The following DDX10 variants were observed in gnomAD, a reference collection of about 807,000 sequenced individuals.
DDX10 encodes the protein DEAD-box helicase 10, also known as probable ATP-dependent RNA helicase DDX10.
DDX10 carries 74 observed loss-of-function variants against 104.3 expected under a neutral mutation model. The ratio of observed to expected loss-of-function variants is 0.71; its 90% CI spans 0.59 to 0.86. DDX10 has a LOEUF of 0.86. DDX10 is among the 40% of genes least tolerant of loss of function. DDX10 has a pLI of 0.00. For synonymous variants in DDX10, 351 were observed against 353.4 expected (o/e 0.99, Z 0.08); for missense variants, 952 against 1,040.0 (o/e 0.92, Z 1.16).
intron 11 of DDX10, 77 bp from the exon 12 acceptor site, chr11:108,719,720 G>A (rs556477275): frequency 4.6e-5 from 38 of 820,992 alleles, no homozygotes; most frequent in South Asian, 1.4e-4. Context: ...TATCCCATTG[G>A]CTAATTTTCT....
intron 17 of DDX10, among the ~76,000 whole-genome samples, chr11:108,934,944 A>T (rs1451937650): frequency 1.3e-5 from 2 of 152,180 alleles, no homozygotes; most frequent in Non-Finnish European, 2.9e-5. Flanking sequence ...ACTCCGCTGG[A>T]AGTCGAATTC....
Position 108,894,771 on chromosome 11 carries a change from A to G in DDX10, c.2305-23102A>G, listed in dbSNP as rs188266739. On this transcript the variant is annotated intron_variant, in intron 16 of 17. Coordinates refer to ENST00000322536, the MANE Select transcript of DDX10 (RefSeq NM_004398.4). ...TTAAAGCCTTCAGTAAAGGACAACT[A>G]TGTGACTTTTTAATAAAATAGTTAT... 1.7e-3 allele frequency among the ~76,000 whole-genome samples: 256 copies of G among 152,120 alleles called. 1 individual carries two copies. Among genetic ancestry groups the G allele is most frequent in the Non-Finnish European group, 1.8e-3 (125 of 67,864 alleles).
intron 13 of DDX10, among the ~76,000 whole-genome samples, chr11:108,835,896 A>C (rs1862548923): frequency 6.6e-6 from 1 of 151,758 alleles, no homozygotes; most frequent in African/African-American, 2.4e-5. Flanking sequence ...ATGTTGGGAG[A>C]TGGGGGTTTT....
chr11:108,680,233 GAGAC>G (rs746460868), intron 6 of DDX10, among the ~76,000 whole-genome samples: 31 of 151,904 alleles, frequency 2.0e-4, no homozygotes, highest in Admixed American at 3.9e-4. Context: ...TCTTTTTTTC[GAGAC>G]AGGGTCTTGC....
At chr11:108,781,018 C>T (rs539307796) in intron 13 of DDX10, among the ~76,000 whole-genome samples, 2 of 152,206 alleles carry the variant, frequency 1.3e-5, no homozygotes, top group Non-Finnish European at 2.9e-5. Flanking sequence ...TTGTAGTGAG[C>T]ATAGTACCCA....
At chr11:108,813,399 G>T (rs765587865) in intron 13 of DDX10, among the ~76,000 whole-genome samples, 2 of 152,038 alleles carry the variant, frequency 1.3e-5, no homozygotes, top group Non-Finnish European at 2.9e-5. Flanking sequence ...GCTCTTCTGG[G>T]AACTGTCCAA....
intron 13 of DDX10, among the ~76,000 whole-genome samples, chr11:108,830,762 G>C (rs2134586182): frequency 6.6e-6 from 1 of 152,158 alleles, no homozygotes; most frequent in Non-Finnish European, 1.5e-5. Flanking sequence ...CATCATAAAG[G>C]GGTGATGGAT....
At chr11:108,822,361 G>A in intron 13 of DDX10, 1 of 390,588 alleles carries the variant, frequency 2.6e-6, no homozygotes, top group Admixed American at 2.8e-5. Flanking sequence ...TTTGAGATTA[G>A]CTATCAAGTC....
chr11:108,810,253 G>A (rs1862160769), intron 13 of DDX10, among the ~76,000 whole-genome samples: 1 of 152,204 alleles, frequency 6.6e-6, no homozygotes, highest in Non-Finnish European at 1.5e-5. Context: ...TTGTAATGCA[G>A]TGGAACTTGC....
chr11:108,855,491 G>T (rs368273958), intron 16 of DDX10, among the ~76,000 whole-genome samples: 1 of 152,070 alleles, frequency 6.6e-6, no homozygotes, highest in Non-Finnish European at 1.5e-5. Flanking sequence ...ATGGAGTCTC[G>T]CTCTGTCACC....
intron 13 of DDX10, among the ~76,000 whole-genome samples, chr11:108,805,269 G>T (rs987867401): frequency 2.6e-5 from 4 of 152,158 alleles, no homozygotes; most frequent in African/African-American, 9.7e-5. Context: ...AAGCAGTTTC[G>T]GTGCCCTGCC....
intron 13 of DDX10, among the ~76,000 whole-genome samples, chr11:108,733,151 G>A (rs2094314348): frequency 7.2e-6 from 1 of 139,436 alleles, no homozygotes; most frequent in African/African-American, 2.7e-5. Context: ...TTTTAGTACT[G>A]TAAGAACTCA....
rs34163444 is a variant in DDX10, at chr11:108,871,928, C to CAA, written c.2304+19730_2304+19731dup. Among the ~76,000 whole-genome samples, 181 of 149,572 alleles carry CAA rather than the reference C, an allele frequency of 1.2e-3. 1 individual carries two copies. The highest frequency in any genetic ancestry group is 6.9e-3 in the Middle Eastern group (2 of 288). Reference sequence around the variant, plus strand: ...GGGCCACAAGAGCGAAATTCTGCCTCAAAAAAAAAAAATTAAGCTTTGATA... The same window carrying CAA: ...GGGCCACAAGAGCGAAATTCTGCCTCAAAAAAAAAAAAAATTAAGCTTTGATA... On this transcript the variant is annotated intron_variant, in intron 16 of 17. Transcript: ENST00000322536.
rs538956959 is a variant in DDX10 at position 108,910,025 on chromosome 11, G to A, written c.2305-7848G>A. On this transcript the variant is annotated intron_variant, in intron 16 of 17. Coordinates refer to ENST00000322536, the MANE Select transcript of DDX10 (RefSeq NM_004398.4). ...CACAGAATTGGAGTGATCAGAATTG[G>A]GGAAAGAATACTTGCAGGAAGACGT... Among the ~76,000 whole-genome samples the A allele has an allele frequency of 5.9e-5, 9 of 152,026 alleles. 1 individual carries two copies. The South Asian group carries it at 1.9e-3, about 32-fold the overall frequency.
chr11:108,696,938 T>G (rs1178624474), intron 9 of DDX10, among the ~76,000 whole-genome samples: 1 of 152,154 alleles, frequency 6.6e-6, no homozygotes, highest in East Asian at 1.9e-4. Flanking sequence ...TTCAAGGTTC[T>G]TGGTTCCTAG....
chr11:108,782,509 A>G (rs1023597702), intron 13 of DDX10, among the ~76,000 whole-genome samples: 1 of 152,164 alleles, frequency 6.6e-6, no homozygotes, highest in Non-Finnish European at 1.5e-5. Context: ...AATGCACCTT[A>G]GACAATACTC....
chr11:108,850,882 T>C (rs1862782124), intron 15 of DDX10, among the ~76,000 whole-genome samples: 1 of 152,194 alleles, frequency 6.6e-6, no homozygotes, highest in Non-Finnish European at 1.5e-5. Flanking sequence ...GTTACTTTGA[T>C]CTTCCATTTT....
intron 16 of DDX10, among the ~76,000 whole-genome samples, chr11:108,891,386 A>G (rs147663880): frequency 4.6e-5 from 7 of 152,238 alleles, no homozygotes; most frequent in Admixed American, 2.0e-4. Context: ...AACCTAGCCA[A>G]TGAAATCATG....
rs569883594 is a variant in DDX10 at position 108,905,552 on chromosome 11, G to A, written c.2305-12321G>A. On this transcript the variant is annotated intron_variant, in intron 16 of 17. Coordinates refer to ENST00000322536, the MANE Select transcript of DDX10 (RefSeq NM_004398.4). ...TGATGTATCCATCGTAATCAAAGAT[G>A]CAGTGTAGTTTCATCACCTCAAAAA... Among the ~76,000 whole-genome samples the A allele has an allele frequency of 6.6e-5, 10 of 152,182 alleles. No homozygotes were observed. The East Asian group carries it at 1.9e-3, about 29-fold the overall frequency.
Sources: gnomAD v4.1 joint callset for allele counts (sites outside exome capture counted in the v4.1 genomes callset) on GRCh38, gnomAD v4.1.1 for gene constraint, MANE v1.5 for transcripts, NCBI Gene and HGNC (gene_info 2026-07-23, HGNC 2026-07-21) for gene names.